Variants in PRKD3 observed in about 807,000 individuals in gnomAD.
PRKD3 encodes the protein serine/threonine-protein kinase D3.
PRKD3 carries 47 observed loss-of-function variants against 99.2 expected under a neutral mutation model. The ratio of observed to expected loss-of-function variants is 0.47; its 90% CI spans 0.38 to 0.60. The LOEUF is 0.60. Ranked by LOEUF, PRKD3 falls within the 20% of genes least tolerant of loss-of-function variation. The pLI, the probability that PRKD3 is intolerant of heterozygous loss-of-function variation, is 0.00. For synonymous variants in PRKD3, 392 were observed against 355.4 expected, an observed-to-expected ratio of 1.10 and a Z score of -1.16; for missense variants, 1,019 against 1,088.4, an observed-to-expected ratio of 0.94 and a Z score of 0.90.
chr2:37,294,754 G>C (rs1670600187), intron 2 of PRKD3, among the ~76,000 whole-genome samples: 1 of 152,074 alleles, frequency 6.6e-6, no homozygotes, highest in South Asian at 2.1e-4. Flanking sequence ...AATTTGTAAG[G>C]ACAAAGGACT....
intron 5 of PRKD3, among the ~76,000 whole-genome samples, chr2:37,289,084 A>G (rs894089137): frequency 1.3e-5 from 2 of 151,084 alleles, no homozygotes; most frequent in African/African-American, 4.9e-5. Flanking sequence ...AAAAATTAAA[A>G]AAAAAAAAGA....
At chr2:37,292,864 C>T in intron 3 of PRKD3, 1 of 241,994 alleles carries the variant, frequency 4.1e-6, no homozygotes, top group Non-Finnish European at 8.0e-6. Flanking sequence ...TCAGGCTGGT[C>T]TCAAACTCCT....
intron 7 of PRKD3, 124 bp from the exon 8 acceptor site, chr2:37,280,053 T>C: frequency 1.6e-6 from 1 of 626,450 alleles, no homozygotes; most frequent in Non-Finnish European, 2.5e-6. Context: ...AAAGTATTTC[T>C]CTTTTTTTTT....
At chr2:37,287,599 C>A (rs1338686328) in intron 5 of PRKD3, among the ~76,000 whole-genome samples, 1 of 152,004 alleles carries the variant, frequency 6.6e-6, no homozygotes, top group Non-Finnish European at 1.5e-5. Context: ...GTTCATATAG[C>A]TAGATGGTAG....
chr2:37,274,591 A>G lies in PRKD3; in HGVS notation c.1481T>C (p.Val494Ala). The G allele has an allele frequency of 6.2e-7, 1 of 1,614,132 alleles. No homozygotes were observed. The highest frequency in any genetic ancestry group is 8.5e-7 in the Non-Finnish European group (1 of 1,179,972). Reference sequence around the variant, plus strand: ...CCCATTGTTCTCACCAACGAAGTATACCATAGTATCAGTAATGATTTCAAA... The same window carrying G: ...CCCATTGTTCTCACCAACGAAGTATGCCATAGTATCAGTAATGATTTCAAA... Reference protein sequence around the residue: ...HCFEIITDTMVYFVGENNGDS... With the variant: ...HCFEIITDTMAYFVGENNGDS... Residue 494 changes from valine (V) to alanine (A), a missense_variant, in exon 11 of 19, where the codon GTA (valine) becomes GCA (alanine). Physicochemically the swap from Val to Ala is moderately conservative, Grantham distance 64 (BLOSUM62 0). Coordinates refer to ENST00000234179, the MANE Select transcript of PRKD3 (RefSeq NM_005813.6).
At chr2:37,312,666 T>C (rs1051041125) in intron 2 of PRKD3, among the ~76,000 whole-genome samples, 11 of 152,360 alleles carry the variant, frequency 7.2e-5, no homozygotes, top group Admixed American at 2.6e-4. Context: ...ATGTCCCTTA[T>C]AGAGTAACTA....
intron 5 of PRKD3, among the ~76,000 whole-genome samples, chr2:37,287,420 C>G (rs1670174349): frequency 6.6e-6 from 1 of 151,356 alleles, no homozygotes; most frequent in Non-Finnish European, 1.5e-5. Flanking sequence ...CCTTGCACTT[C>G]TCTGTCTCTT....
intron 1 of PRKD3, among the ~76,000 whole-genome samples, chr2:37,321,152 T>C (rs910456858): frequency 6.6e-6 from 1 of 152,258 alleles, no homozygotes; most frequent in African/African-American, 2.4e-5. Flanking sequence ...TTACAAACTA[T>C]ATACCAATTA....
chr2:37,256,305 T>G (rs1667930678), intron 17 of PRKD3, among the ~76,000 whole-genome samples: 1 of 152,208 alleles, frequency 6.6e-6, no homozygotes, highest in Non-Finnish European at 1.5e-5. Flanking sequence ...GAGAAGTGTT[T>G]GGGAGCACCA....
intron 12 of PRKD3, among the ~76,000 whole-genome samples, chr2:37,271,741 G>A (rs1025147230): frequency 1.1e-4 from 17 of 152,232 alleles, no homozygotes; most frequent in South Asian, 8.3e-4. Context: ...GGTTCATTCC[G>A]AAACCATCTC....
intron 2 of PRKD3, among the ~76,000 whole-genome samples, chr2:37,310,227 T>C (rs72863198): frequency 0.034 from 5,204 of 152,296 alleles, 308 homozygotes; most frequent in African/African-American, 0.12. Flanking sequence ...GAGAGGGACC[T>C]CGAAGTGTAA....
At chr2:37,322,159 C>G (rs1671913402) in intron 1 of PRKD3, among the ~76,000 whole-genome samples, 1 of 152,110 alleles carries the variant, frequency 6.6e-6, no homozygotes, top group African/African-American at 2.4e-5. Context: ...TTTTTCAATG[C>G]AATTCTGACC....
chr2:37,313,221 A>T (rs1417801188), intron 2 of PRKD3, among the ~76,000 whole-genome samples: 1 of 152,148 alleles, frequency 6.6e-6, no homozygotes, highest in African/African-American at 2.4e-5. Context: ...GAAGCCACAG[A>T]CAAGATATAA....
intron 1 of PRKD3, among the ~76,000 whole-genome samples, chr2:37,320,555 C>T (rs1019034506): frequency 6.6e-6 from 1 of 151,572 alleles, no homozygotes; most frequent in South Asian, 2.1e-4. Flanking sequence ...CCTCAGCCGC[C>T]CCAGTAGCTG....
At chr2:37,319,494 AG>A (rs1398387589) in intron 1 of PRKD3, among the ~76,000 whole-genome samples, 4 of 152,236 alleles carry the variant, frequency 2.6e-5, no homozygotes, top group South Asian at 4.1e-4. Context: ...GTAAGTGTAA[AG>A]CTTTGCATTT....
rs116703481 is a variant in PRKD3 at position 37,288,821 on chromosome 2, C to T, written c.717+535G>A. 2.5e-3 allele frequency among the ~76,000 whole-genome samples: 383 copies of T among 152,166 alleles called. 3 individuals carry two copies. Among genetic ancestry groups the T allele is most frequent in the Admixed American group, 0.021 (317 of 15,264 alleles). ...CTGCGATCCCAGAACTTTGGGAGGC[C>T]GAGGCGGGCAGATCACGAGGTCAGG... On this transcript the variant is annotated intron_variant, in intron 5 of 18. Coordinates refer to ENST00000234179, the MANE Select transcript of PRKD3 (RefSeq NM_005813.6).
intron 2 of PRKD3, among the ~76,000 whole-genome samples, chr2:37,295,404 G>C (rs954066428): frequency 3.3e-5 from 5 of 152,190 alleles, no homozygotes; most frequent in Admixed American, 6.5e-5. Flanking sequence ...TCCATAGGTT[G>C]AAAGTGTAAG....
At position 37,253,203 on chromosome 2, in the gene PRKD3, G is replaced by A. The variant is rs1405989889; in HGVS notation, c.2647C>T (p.Pro883Ser). The A allele has an allele frequency of 1.2e-6, 2 of 1,609,236 alleles. No individual in the cohort carries two copies. Among genetic ancestry groups the A allele is most frequent in the Non-Finnish European group, 1.7e-6 (2 of 1,177,448 alleles). The stretch of plus-strand genomic sequence containing the variant: ...TAAGGATCTTCTTCCATATCATCTG[G>A]ATTAGGAGCCATAATGAAGTGCTTT... ...YPKHFIMAPN[P>S]DDMEEDP The change falls in exon 19 of 19, where the codon CCA (proline) becomes TCA (serine). Residue 883 changes from proline to serine, a missense_variant. Physicochemically the swap from Pro to Ser is moderately conservative, Grantham distance 74. Around this residue, in one of 3 missense-constraint regions of PRKD3, gnomAD observed 125 missense variants for 120.6 expected, o/e 1.04. Coordinates refer to ENST00000234179, the MANE Select transcript of PRKD3 (RefSeq NM_005813.6).
At chr2:37,269,340 C>G (rs572121838) in intron 13 of PRKD3, 8 of 399,276 alleles carry the variant, frequency 2.0e-5, no homozygotes, top group East Asian at 9.4e-5. Flanking sequence ...CATCTCCCCC[C>G]CTGCCTCCGA....
Sources: gnomAD v4.1 joint callset for allele counts (sites outside exome capture counted in the v4.1 genomes callset) on GRCh38, gnomAD v4.1.1 for gene constraint, gnomAD v4.1.1 regional missense constraint, MANE v1.5 for transcripts, NCBI Gene and HGNC (gene_info 2026-07-23, HGNC 2026-07-21) for gene names.